Variants in PTBP1 observed in about 807,000 individuals in gnomAD.
PTBP1 encodes polypyrimidine tract binding protein 1.
PTBP1 carries 8 observed loss-of-function variants against 59.8 expected under a neutral mutation model. The observed-to-expected ratio is 0.13, with a 90% confidence interval of 0.08 to 0.24. PTBP1 has a LOEUF of 0.24. Ranked by LOEUF, PTBP1 falls within the 10% of genes least tolerant of loss-of-function variation. The pLI, the probability that PTBP1 is intolerant of heterozygous loss-of-function variation, is 1.00. For synonymous variants in PTBP1, 490 were observed against 320.7 expected (o/e 1.53, Z -5.64); for missense variants, 686 against 767.0 (o/e 0.89, Z 1.25).
chr19:800,188 C>T (rs62131350), intron 2 of PTBP1, among the ~76,000 whole-genome samples: 6,728 of 151,650 alleles, frequency 0.044, 239 homozygotes, highest in Non-Finnish European at 0.064. Context: ...CCCCCCTTGG[C>T]CTCCCACAGT....
At chr19:801,233 C>T (rs1035230968) in intron 2 of PTBP1, among the ~76,000 whole-genome samples, 1 of 152,186 alleles carries the variant, frequency 6.6e-6, no homozygotes, top group Non-Finnish European at 1.5e-5. Flanking sequence ...TCCTGGGGTA[C>T]CTGGCAGCTG....
chr19:806,819 A>G, intron 10 of PTBP1: 1 of 384,928 alleles, frequency 2.6e-6, no homozygotes, highest in South Asian at 5.6e-5. Context: ...AGGCAATCTA[A>G]AAATTACTTG....
Position 808,429 on chromosome 19 carries a change from C to G in PTBP1, c.1223C>G (p.Ala408Gly), listed in dbSNP as rs762310485. Residue 408 changes from alanine (A) to glycine (G), a missense_variant, in exon 12 of 15, where the codon GCG becomes GGG. By Grantham distance (60) the Ala-to-Gly change is moderately conservative. Transcript: ENST00000356948. The surrounding 1 kb of genome is among the most constrained non-coding windows in gnomAD (Gnocchi z 4.7). ...NKKENALVQM[A>G]DGNQAQLAMS... ...AAGGAGAACGCCCTAGTGCAGATGG[C>G]GGACGGCAACCAGGCCCAGCTGGGT... The G allele has an allele frequency of 1.1e-5, 18 of 1,605,330 alleles. No individual in the cohort carries two copies. The African/African-American group carries it at 1.9e-4, about 17-fold the overall frequency.
intron 2 of PTBP1, among the ~76,000 whole-genome samples, chr19:802,138 C>T (rs1385910065): frequency 3.3e-5 from 5 of 152,154 alleles, no homozygotes; most frequent in African/African-American, 1.2e-4. Flanking sequence ...CTCAGGGCTG[C>T]AGTTAGAGGT....
chr19:806,779 C>T (rs895848628), intron 10 of PTBP1: 31 of 467,960 alleles, frequency 6.6e-5, no homozygotes, highest in Middle Eastern at 5.4e-4. Flanking sequence ...TTGCATGATA[C>T]GCAGAATGAA....
rs1232352805 is a variant in PTBP1 at position 810,866 on chromosome 19, T to G, written c.*40T>G. On this transcript the variant is annotated 3_prime_UTR_variant, in exon 15 of 15. Coordinates refer to ENST00000356948, the MANE Select transcript of PTBP1 (RefSeq NM_002819.5). ...ACGGCCGGGCCCCCTGGCGACAACT[T>G]CCATCATTCCAGAGAAAAGCCACTT... The G allele has an allele frequency of 6.7e-7, 1 of 1,492,162 alleles. No individual in the cohort carries two copies. Among genetic ancestry groups the G allele is most frequent in the Admixed American group, 2.6e-5 (1 of 39,120 alleles). The allele number at this position is 1,492,162 out of a possible 1,614,324, so 92.4% of individuals were successfully genotyped here. A position where few individuals can be genotyped will look rare whatever the true frequency, so the allele number is the denominator to read the frequency against.
At chr19:803,282 C>A (rs1053215831) in intron 2 of PTBP1, among the ~76,000 whole-genome samples, 3 of 152,200 alleles carry the variant, frequency 2.0e-5, no homozygotes, top group African/African-American at 7.2e-5. Flanking sequence ...ACGTGGTGCC[C>A]TCCGTAGCTG....
At chr19:797,606 G>A (rs2034127113) in intron 1 of PTBP1, 101 bp downstream of exon 1, 1 of 753,576 alleles carries the variant, frequency 1.3e-6, no homozygotes, top group Non-Finnish European at 1.8e-6. Flanking sequence ...CCCCCTCTCG[G>A]GCGGGAGGGG....
intron 2 of PTBP1, among the ~76,000 whole-genome samples, chr19:802,358 C>T (rs1356685516): frequency 6.6e-6 from 1 of 150,510 alleles, no homozygotes; most frequent in East Asian, 2.0e-4. Context: ...GAAGACCAAG[C>T]GCAGGCTCGG....
chr19:809,099 C>T (rs2034724383), intron 13 of PTBP1, among the ~76,000 whole-genome samples: 2 of 151,840 alleles, frequency 1.3e-5, no homozygotes, highest in African/African-American at 2.4e-5. Context: ...ACCTCCGCCT[C>T]TTGGGTTCAA....
rs888737801 is a variant in PTBP1 at position 806,307 on chromosome 19, C to T, written c.971-101C>T. On this transcript the variant is annotated intron_variant, in intron 9 of 14. Transcript: ENST00000356948. ...GCCAGAGCCAGGGCCGCCTCCCGCG[C>T]GGCTCGGCTCCTCGGTGCATGAGGA... 5.2e-6 allele frequency: 7 copies of T among 1,334,550 alleles called. No homozygotes were observed. In the African/African-American group the frequency reaches 6.3e-5, roughly 12 times the overall value. The allele number at this position is 1,334,550 out of a possible 1,614,324, so 82.7% of individuals were successfully genotyped here.
chr19:803,705 T>C, intron 3 of PTBP1, 69 bp downstream of exon 3: 1 of 1,386,856 alleles, frequency 7.2e-7, no homozygotes, highest in South Asian at 1.2e-5. Flanking sequence ...TACGTTCTTG[T>C]TCTGGGACTC....
In PTBP1 at chr19:802,298, C is replaced by T. The variant is rs2034369342; in HGVS notation, c.40-1263C>T. ...CTTCCAGGAAGCTCTTGAGCCAGGG[C>T]CAGGGCAGGAGTGGAGCTGAACGTG... On this transcript the variant is annotated intron_variant, in intron 2 of 14. Transcript: ENST00000356948. 2.6e-5 allele frequency among the ~76,000 whole-genome samples: 4 copies of T among 152,164 alleles called. No individual in the cohort carries two copies. The South Asian group carries it at 6.2e-4, about 24-fold the overall frequency.
Position 811,100 on chromosome 19 carries a change from C to A in PTBP1, c.*274C>A. 2.9e-6 allele frequency: 1 copy of A among 347,786 alleles called. No individual in the cohort carries two copies. 21.5% of individuals were successfully genotyped at this position (347,786 alleles called of 1,614,324 possible). A position where few individuals can be genotyped will look rare whatever the true frequency, so the allele number is the denominator to read the frequency against. On this transcript the variant is annotated 3_prime_UTR_variant, in exon 15 of 15. Coordinates refer to ENST00000356948, the MANE Select transcript of PTBP1 (RefSeq NM_002819.5). ...CCTCGGGGCCATGCCTTGGTGGGGC[C>A]TGTGTCGGGCGTGGGGCCTGCAGGT...
chr19:807,491 C>T (rs771169684), intron 10 of PTBP1: 1 of 242,268 alleles, frequency 4.1e-6, no homozygotes, highest in South Asian at 7.2e-5. Flanking sequence ...ACTGATAGAA[C>T]ACTACCTGAT....
rs750878652 is a variant in PTBP1, at chr19:805,180, G to A, written c.885G>A (p.Ala295=). The A allele has an allele frequency of 6.1e-5, 99 of 1,613,224 alleles. No homozygotes were observed. Among genetic ancestry groups the A allele is most frequent in the South Asian group, 2.6e-4 (24 of 91,084 alleles). ...SQPSLDQTMA[A]AFGAPGIISA... The stretch of plus-strand genomic sequence containing the variant: ...CCTCGCTGGACCAGACCATGGCCGC[G>A]GCCTTCGGTAAGAGGCTGCCCGACG... The change falls in exon 8 of 15, where the codon GCG becomes GCA. Residue 295 remains alanine, a synonymous_variant. Coordinates refer to ENST00000356948, the MANE Select transcript of PTBP1 (RefSeq NM_002819.5).
In PTBP1 at chr19:806,434, GCCCTGGCCC is replaced by G. The variant is rs1376430644; in HGVS notation, c.1006_1014del (p.Pro336_Ala338del). On this transcript the variant is annotated inframe_deletion, in exon 10 of 15. Transcript: ENST00000356948. Reference sequence around the variant, plus strand: ...CCTTTCCGTTCCGAACGTCCACGGCGCCCTGGCCCCCCTGGCCATCCCCTCGGCGGCGGC... The same window carrying G: ...CCTTTCCGTTCCGAACGTCCACGGCGCCCTGGCCATCCCCTCGGCGGCGGC... 10 of 1,601,782 alleles carry G rather than the reference GCCCTGGCCC, an allele frequency of 6.2e-6. No individual in the cohort carries two copies. The highest frequency in any genetic ancestry group is 8.5e-6 in the Non-Finnish European group (10 of 1,174,562).
intron 2 of PTBP1, among the ~76,000 whole-genome samples, chr19:802,311 G>A (rs1390313760): frequency 6.6e-6 from 1 of 152,206 alleles, no homozygotes; most frequent in Non-Finnish European, 1.5e-5. Context: ...GGGCAGGAGT[G>A]GAGCTGAACG....
intron 2 of PTBP1, among the ~76,000 whole-genome samples, chr19:801,996 T>C (rs369673135): frequency 6.6e-6 from 1 of 152,222 alleles, no homozygotes; most frequent in African/African-American, 2.4e-5. Flanking sequence ...CCCTAAAGTC[T>C]TGGGGACTGA....
Sources: allele counts gnomAD v4.1 joint callset (sites outside exome capture counted in the v4.1 genomes callset), GRCh38; gene constraint gnomAD v4.1.1; non-coding constraint Gnocchi (gnomAD v3.1); transcripts MANE v1.5; gene names NCBI Gene and HGNC (gene_info 2026-07-23, HGNC 2026-07-21).